C10orf71: variants seen among roughly 807,000 people sequenced by gnomAD.
C10orf71 encodes cardiac-enriched FHL2-interacting protein.
For missense variants in C10orf71, 1,869 were observed against 1,804.5 expected (o/e 1.04, Z -0.65); for synonymous variants, 758 against 726.3 (o/e 1.04, Z -0.70).
chr10:49,324,463 C>T lies in C10orf71; in HGVS notation c.1918C>T (p.Arg640Cys), dbSNP rs370360133. Residue 640 changes from arginine to cysteine, a missense_variant, in exon 3 of 3, where the codon CGC becomes TGC. Arg to Cys is a radical substitution (Grantham distance 180, BLOSUM62 -3). Coordinates refer to ENST00000374144, the MANE Select transcript of C10orf71 (RefSeq NM_001135196.2). The part of the protein sequence containing the change: ...SSWCPDSREH[R>C]PRKHLSLRLC... Reference sequence around the variant, plus strand: ...CTGGTGTCCAGACTCCAGGGAACACCGCCCCAGGAAACACCTCTCCCTGAG... The same window carrying T: ...CTGGTGTCCAGACTCCAGGGAACACTGCCCCAGGAAACACCTCTCCCTGAG... 44 of 1,606,796 alleles carry T rather than the reference C, an allele frequency of 2.7e-5. No individual in the cohort carries two copies. The highest frequency in any genetic ancestry group is 2.4e-4 in the African/African-American group (18 of 74,814).
intron 1 of C10orf71, among the ~76,000 whole-genome samples, chr10:49,313,743 C>G (rs75182187): frequency 0.027 from 4,136 of 152,218 alleles, 88 homozygotes; most frequent in South Asian, 0.082. Context: ...TTTCTGAGGT[C>G]CCCAGGGAGA....
chr10:49,327,248 C>G lies in C10orf71; in HGVS notation c.*395C>G. 2.8e-6 allele frequency: 1 copy of G among 360,738 alleles called. No homozygotes were observed. Among genetic ancestry groups the G allele is most frequent in the Non-Finnish European group, 5.6e-6 (1 of 178,096 alleles). The allele number at this position is 360,738 out of a possible 1,614,324, so 22.3% of individuals were successfully genotyped here. A position where few individuals can be genotyped will look rare whatever the true frequency, so the allele number is the denominator to read the frequency against. ...CCCAAGTGTCCCTCTGTACCCACAC[C>G]CACCCACTCACTTGTAAGCTCCTTG... On this transcript the variant is annotated 3_prime_UTR_variant, in exon 3 of 3. Coordinates refer to ENST00000374144, the MANE Select transcript of C10orf71 (RefSeq NM_001135196.2).
chr10:49,325,023 G>T lies in C10orf71; in HGVS notation c.2478G>T (p.Trp826Cys), dbSNP rs75304899. 2.6e-6 allele frequency: 4 copies of T among 1,551,778 alleles called. No homozygotes were observed. Among genetic ancestry groups the T allele is most frequent in the Non-Finnish European group, 8.7e-7 (1 of 1,147,022 alleles). Residue 826 changes from tryptophan (W) to cysteine (C), a missense_variant, in exon 3 of 3, where the codon TGG becomes TGT. Physicochemically the swap from Trp to Cys is radical, Grantham distance 215. Coordinates refer to ENST00000374144, the MANE Select transcript of C10orf71 (RefSeq NM_001135196.2). ...AGGAAGCTAATTTCAGAGGCTCTTG[G>T]ATTGGGGAAAATAAGGGCACAACCT... The part of the protein sequence containing the change: ...SAEEANFRGS[W>C]IGENKGTTFS...
intron 1 of C10orf71, among the ~76,000 whole-genome samples, chr10:49,305,979 A>G (rs1433371172): frequency 1.3e-5 from 2 of 152,378 alleles, no homozygotes; most frequent in African/African-American, 4.8e-5. Flanking sequence ...CTGGTTTTCC[A>G]TGATACATAT....
Position 49,324,257 on chromosome 10 carries a change from A to G in C10orf71, c.1712A>G (p.Asn571Ser), listed in dbSNP as rs185555584. ...PADDPTASHI[N>S]PQKDPTADPS... ...GATGACCCCACTGCATCACACATCA[A>G]TCCCCAGAAGGACCCTACAGCTGAC... The change falls in exon 3 of 3, where the codon AAT becomes AGT. Residue 571 changes from asparagine (N) to serine (S), a missense_variant. Transcript: ENST00000374144. The G allele has an allele frequency of 1.9e-6, 3 of 1,613,860 alleles. No individual in the cohort carries two copies. Among genetic ancestry groups the G allele is most frequent in the East Asian group, 2.2e-5 (1 of 44,874 alleles).
chr10:49,324,346 C>T lies in C10orf71; in HGVS notation c.1801C>T (p.Pro601Ser), dbSNP rs777485597. 5 of 1,613,720 alleles carry T rather than the reference C, an allele frequency of 3.1e-6. No homozygotes were observed. In the East Asian group the frequency reaches 6.7e-5, roughly 22 times the overall value. Residue 601 changes from proline (P) to serine (S), a missense_variant, in exon 3 of 3, where the codon CCC (proline) becomes TCC (serine). Physicochemically the swap from Pro to Ser is moderately conservative, Grantham distance 74. Coordinates refer to ENST00000374144, the MANE Select transcript of C10orf71 (RefSeq NM_001135196.2). Reference sequence around the variant, plus strand: ...CACAGCTCCGACTATCGCCAAAGCCCCCTTCTATGTCAATGGGGAGGCTGC... The same window carrying T: ...CACAGCTCCGACTATCGCCAAAGCCTCCTTCTATGTCAATGGGGAGGCTGC... ...LSTAPTIAKA[P>S]FYVNGEAAER...
intron 2 of C10orf71, among the ~76,000 whole-genome samples, chr10:49,317,291 T>G (rs997522371): frequency 6.6e-6 from 1 of 152,200 alleles, no homozygotes; most frequent in African/African-American, 2.4e-5. Context: ...GGCTCATGGC[T>G]TAGCAGTGCT....
intron 2 of C10orf71, among the ~76,000 whole-genome samples, chr10:49,320,260 G>C (rs751222970): frequency 2.0e-5 from 3 of 152,184 alleles, no homozygotes; most frequent in Non-Finnish European, 4.4e-5. Flanking sequence ...TGGGGGAGGG[G>C]CCATAGCTAT....
At position 49,322,422 on chromosome 10, in the gene C10orf71, T is replaced by C. The variant is rs1849109043; in HGVS notation, c.-124T>C. On this transcript the variant is annotated 5_prime_UTR_variant, in exon 3 of 3. Transcript: ENST00000374144. ...TGCAGAGAAAAAAAAAAATCCCCAC[T>C]TTGCAATTGCATCTGGTCAATGAGA... The C allele has an allele frequency of 3.3e-6, 4 of 1,223,672 alleles. No homozygotes were observed. In the African/African-American group the frequency reaches 4.6e-5, roughly 14 times the overall value. The allele number at this position is 1,223,672 out of a possible 1,614,324, so 75.8% of individuals were successfully genotyped here. A position where few individuals can be genotyped will look rare whatever the true frequency, so the allele number is the denominator to read the frequency against.
intron 2 of C10orf71, among the ~76,000 whole-genome samples, chr10:49,321,303 C>T (rs563650580): frequency 5.3e-5 from 8 of 152,104 alleles, no homozygotes; most frequent in African/African-American, 1.9e-4. Flanking sequence ...AAGTAAGTGA[C>T]ATCAATCAGT....
chr10:49,302,374 G>A (rs985988095), intron 1 of C10orf71, among the ~76,000 whole-genome samples: 2 of 152,232 alleles, frequency 1.3e-5, no homozygotes, highest in African/African-American at 4.8e-5. Flanking sequence ...AGACTGCAGA[G>A]GTCAAGGGGT....
rs1019932637 is a variant in C10orf71 at position 49,309,976 on chromosome 10, C to T, written c.-247-6169C>T. Among the ~76,000 whole-genome samples, 5 of 152,176 alleles carry T rather than the reference C, an allele frequency of 3.3e-5. No individual in the cohort carries two copies. The South Asian group carries it at 6.2e-4, about 19-fold the overall frequency. On this transcript the variant is annotated intron_variant, in intron 1 of 2. Coordinates refer to ENST00000374144, the MANE Select transcript of C10orf71 (RefSeq NM_001135196.2). ...TTCAATTAAGGTAATTAAATTCACCCGAAGATCTTGGGCTCAAAAACCACA... is the reference window on the plus strand; with the variant it reads ...TTCAATTAAGGTAATTAAATTCACCTGAAGATCTTGGGCTCAAAAACCACA...
intron 1 of C10orf71, among the ~76,000 whole-genome samples, chr10:49,311,611 C>T (rs947495746): frequency 6.6e-6 from 1 of 152,236 alleles, no homozygotes; most frequent in African/African-American, 2.4e-5. Context: ...GAGATAGATT[C>T]ACCGCAGTGC....
Position 49,323,638 on chromosome 10 carries a change from G to T in C10orf71, c.1093G>T (p.Ala365Ser). 6.2e-7 allele frequency: 1 copy of T among 1,606,582 alleles called. No homozygotes were observed. Among genetic ancestry groups the T allele is most frequent in the South Asian group, 1.1e-5 (1 of 89,714 alleles). ...CCAGGTATTTGCTGTGGAAGGAAAA[G>T]CTCCCAGCTCACAACCTGATTCTCA... ...GAQVFAVEGK[A>S]PSSQPDSQEK... Residue 365 changes from alanine (A) to serine (S), a missense_variant, in exon 3 of 3, where the codon GCT (alanine) becomes TCT (serine). Physicochemically the swap from Ala to Ser is moderately conservative, Grantham distance 99. Transcript: ENST00000374144.
Position 49,325,274 on chromosome 10 carries a change from A to C in C10orf71, c.2729A>C (p.Asn910Thr), listed in dbSNP as rs1849202018. 5 of 1,551,510 alleles carry C rather than the reference A, an allele frequency of 3.2e-6. No homozygotes were observed. The highest frequency in any genetic ancestry group is 4.4e-6 in the Non-Finnish European group (5 of 1,146,984). The change falls in exon 3 of 3, where the codon AAC (asparagine) becomes ACC (threonine). Residue 910 changes from asparagine (N) to threonine (T), a missense_variant. Asn to Thr is a moderately conservative substitution (Grantham distance 65). Coordinates refer to ENST00000374144, the MANE Select transcript of C10orf71 (RefSeq NM_001135196.2). ...GATCCTGGGTTTTGTGCCCCCGAAAACCAGGACATTCTTGGTACATCGACA... is the reference window on the plus strand; with the variant it reads ...GATCCTGGGTTTTGTGCCCCCGAAACCCAGGACATTCTTGGTACATCGACA... ...GEDPGFCAPE[N>T]QDILGTSTPT...
intron 1 of C10orf71, among the ~76,000 whole-genome samples, chr10:49,315,572 T>C (rs758238572): frequency 4.6e-5 from 7 of 152,216 alleles, no homozygotes; most frequent in Non-Finnish European, 8.8e-5. Context: ...GGGTCAATCA[T>C]ATTAGAAAAC....
At chr10:49,317,815 C>A (rs1004438830) in intron 2 of C10orf71, among the ~76,000 whole-genome samples, 1 of 152,210 alleles carries the variant, frequency 6.6e-6, no homozygotes, top group African/African-American at 2.4e-5. Flanking sequence ...TACGCCACTA[C>A]ACTCCAGCCT....
At position 49,326,699 on chromosome 10, in the gene C10orf71, AC is replaced by A. The variant is rs1186125510; in HGVS notation, c.4157del (p.Pro1386GlnfsTer28). 6.4e-7 allele frequency: 1 copy of A among 1,550,934 alleles called. No homozygotes were observed. Among genetic ancestry groups the A allele is most frequent in the South Asian group, 1.2e-5 (1 of 84,042 alleles). On this transcript the variant is annotated frameshift_variant, in exon 3 of 3. Coordinates refer to ENST00000374144, the MANE Select transcript of C10orf71 (RefSeq NM_001135196.2). LOFTEE classifies it low-confidence loss of function (END_TRUNC). ...GTCCACGAGTCTGGACTACAGCTGGACCCAGGGCCTCACGGTGACTGCACCC... is the reference window on the plus strand; with the variant it reads ...GTCCACGAGTCTGGACTACAGCTGGACCAGGGCCTCACGGTGACTGCACCC... ...QSVHESGLQL[D>X]PGPHGDCTPH...
intron 1 of C10orf71, among the ~76,000 whole-genome samples, chr10:49,313,829 G>C (rs1316418239): frequency 6.6e-6 from 1 of 152,234 alleles, no homozygotes; most frequent in East Asian, 1.9e-4. Flanking sequence ...GGGGCACCGA[G>C]TTGCCTGGTG....
Sources: allele counts gnomAD v4.1 joint callset (sites outside exome capture counted in the v4.1 genomes callset), GRCh38; gene constraint gnomAD v4.1.1; transcripts MANE v1.5; gene names NCBI Gene and HGNC (gene_info 2026-07-23, HGNC 2026-07-21).